CFAP300: variants seen among roughly 807,000 people sequenced by gnomAD.
CFAP300 encodes cilia- and flagella-associated protein 300.
CFAP300 carries 32 observed loss-of-function variants against 33.0 expected under a neutral mutation model. The observed-to-expected ratio is 0.97, with a 90% CI of 0.73 to 1.30. The LOEUF is 1.30. Among genes scored for constraint, CFAP300 ranks in the 50% most tolerant of loss-of-function variants. The pLI is 0.00. For missense variants in CFAP300, 356 were observed against 318.1 expected (o/e 1.12, Z -0.90); for synonymous variants, 102 against 106.8 (o/e 0.95, Z 0.28).
At chr11:102,080,543 G>T (rs550767002) in intron 5 of CFAP300, among the ~76,000 whole-genome samples, 1 of 151,760 alleles carries the variant, frequency 6.6e-6, no homozygotes, top group South Asian at 2.1e-4. Flanking sequence ...TCAGCCTCCC[G>T]AGTACCTGGG....
rs1941904325 is a variant in CFAP300, at chr11:102,047,756, C to A, written c.111-59C>A. 1.9e-6 allele frequency: 3 copies of A among 1,581,014 alleles called. No individual in the cohort carries two copies. Among genetic ancestry groups the A allele is most frequent in the South Asian group, 2.3e-5 (2 of 88,170 alleles). Reference sequence around the variant, plus strand: ...GGATGCTGTGGGTGGGATCGGTTATCGGTGCGCTCTGAGAGGGTGCCAGCC... The same window carrying A: ...GGATGCTGTGGGTGGGATCGGTTATAGGTGCGCTCTGAGAGGGTGCCAGCC... On this transcript the variant is annotated intron_variant, in intron 1 of 6. Coordinates refer to ENST00000434758, the MANE Select transcript of CFAP300 (RefSeq NM_032930.3).
In CFAP300 at chr11:102,066,618, TG is replaced by T; in HGVS notation, c.403del (p.Asp135IlefsTer14). The stretch of plus-strand genomic sequence containing the variant: ...TTGTTAAATGTTTAGATTCTTTTTG[TG>T]ATCCATTTCTCATTTCTGATGAGTT... ...HIVKCLDSFC[D>X]PFLISDELRR... On this transcript the variant is annotated frameshift_variant, in exon 4 of 7. Transcript: ENST00000434758. LOFTEE classifies it high-confidence loss of function. 1 of 1,608,570 alleles carries T rather than the reference TG, an allele frequency of 6.2e-7. No homozygotes were observed. Among genetic ancestry groups the T allele is most frequent in the East Asian group, 2.2e-5 (1 of 44,600 alleles).
chr11:102,072,516 T>G (rs1265125093), intron 4 of CFAP300, among the ~76,000 whole-genome samples: 1 of 152,118 alleles, frequency 6.6e-6, no homozygotes, highest in Non-Finnish European at 1.5e-5. Flanking sequence ...TTGCCCAGGC[T>G]GGTCTCAAAC....
chr11:102,064,104 A>G (rs1434619378), intron 3 of CFAP300, among the ~76,000 whole-genome samples: 2 of 152,156 alleles, frequency 1.3e-5, no homozygotes, highest in African/African-American at 4.8e-5. Context: ...AGAAAATGCT[A>G]TTTTTTATGT....
intron 5 of CFAP300, among the ~76,000 whole-genome samples, chr11:102,079,613 C>T (rs905175840): frequency 6.6e-6 from 1 of 152,150 alleles, no homozygotes; most frequent in African/African-American, 2.4e-5. Context: ...TTTTCCTCCT[C>T]CTCTTCTTTC....
chr11:102,074,076 C>T (rs1942360260), intron 4 of CFAP300, among the ~76,000 whole-genome samples: 1 of 152,098 alleles, frequency 6.6e-6, no homozygotes, highest in Non-Finnish European at 1.5e-5. Flanking sequence ...ATGCAGAGTC[C>T]ATGTGGACAT....
chr11:102,077,037 G>A (rs996811987), intron 5 of CFAP300, among the ~76,000 whole-genome samples: 2 of 151,926 alleles, frequency 1.3e-5, no homozygotes, highest in African/African-American at 4.8e-5. Context: ...AAACCTGCTA[G>A]ACTGCTTCTA....
chr11:102,049,976 T>C (rs1295132145), intron 2 of CFAP300, among the ~76,000 whole-genome samples: 1 of 151,924 alleles, frequency 6.6e-6, no homozygotes, highest in African/African-American at 2.4e-5. Flanking sequence ...CATAGTGAGA[T>C]CCTGTGGCTA....
chr11:102,055,317 A>G (rs141110599), intron 2 of CFAP300, among the ~76,000 whole-genome samples: 12 of 151,004 alleles, frequency 7.9e-5, no homozygotes, highest in African/African-American at 2.9e-4. Context: ...TTATGCTCAT[A>G]TAAATGTATA....
chr11:102,053,350 A>C (rs1942000432), intron 2 of CFAP300, among the ~76,000 whole-genome samples: 1 of 152,030 alleles, frequency 6.6e-6, no homozygotes, highest in South Asian at 2.1e-4. Context: ...TCGGGAGTTC[A>C]AGACCAGCCT....
Position 102,054,551 on chromosome 11 carries a change from C to CA in CFAP300, c.193-4326dup, listed in dbSNP as rs200656139. 6.3e-3 allele frequency among the ~76,000 whole-genome samples: 5 copies of CA among 790 alleles called. 1 individual carries two copies. The South Asian group carries it at 0.23, about 36-fold the overall frequency. The allele number at this position is 790 out of a possible 152,430, so 0.5% of individuals were successfully genotyped here. A position where few individuals can be genotyped will look rare whatever the true frequency, so the allele number is the denominator to read the frequency against. Reference sequence around the variant, plus strand: ...TTCAAGACCAGCCTGGCCAACATGGCAAACCTGTCTCTATTAAAAATACAA... The same window carrying CA: ...TTCAAGACCAGCCTGGCCAACATGGCAAAACCTGTCTCTATTAAAAATACAA... On this transcript the variant is annotated intron_variant, in intron 2 of 6. Transcript: ENST00000434758.
At chr11:102,049,851 GAAAA>G (rs10716793) in intron 2 of CFAP300, among the ~76,000 whole-genome samples, 1 of 145,430 alleles carries the variant, frequency 6.9e-6, no homozygotes, top group Non-Finnish European at 1.5e-5. Context: ...GAAATGTTAA[GAAAA>G]AAAAAAAGTC....
At chr11:102,075,472 A>G (rs1260077517) in intron 4 of CFAP300, among the ~76,000 whole-genome samples, 1 of 152,210 alleles carries the variant, frequency 6.6e-6, no homozygotes. Context: ...AGCTTAGAAA[A>G]TGACCGTTTA....
chr11:102,055,564 G>T (rs894893058), intron 2 of CFAP300, among the ~76,000 whole-genome samples: 5 of 149,882 alleles, frequency 3.3e-5, no homozygotes, highest in Admixed American at 6.6e-5. Context: ...TCACCAGGTT[G>T]CTCAGGCTGG....
At chr11:102,081,078 C>G in intron 5 of CFAP300, 137 bp from the exon 6 acceptor site, 1 of 578,246 alleles carries the variant, frequency 1.7e-6, no homozygotes, top group Non-Finnish European at 2.8e-6. Context: ...GCCATTTTTT[C>G]AAACCACTTA....
intron 4 of CFAP300, among the ~76,000 whole-genome samples, chr11:102,072,925 C>T (rs530800457): frequency 1.3e-5 from 2 of 152,216 alleles, no homozygotes; most frequent in East Asian, 1.9e-4. Context: ...TCTGTGTTTT[C>T]CTCAGTGGCT....
rs143711781 is a variant in CFAP300 at position 102,067,948 on chromosome 11, G to A, written c.435+1297G>A. On this transcript the variant is annotated intron_variant, in intron 4 of 6. Transcript: ENST00000434758. Reference sequence around the variant, plus strand: ...GAAATGTATTATTGATATTATCATCGTTACAATTATTGAGAGTATTAAAGT... The same window carrying A: ...GAAATGTATTATTGATATTATCATCATTACAATTATTGAGAGTATTAAAGT... Among the ~76,000 whole-genome samples the A allele has an allele frequency of 6.1e-3, 928 of 152,220 alleles. 7 individuals carry two copies. Among genetic ancestry groups the A allele is most frequent in the Middle Eastern group, 0.014 (4 of 294 alleles).
intron 2 of CFAP300, among the ~76,000 whole-genome samples, chr11:102,053,470 G>A (rs914362827): frequency 5.5e-4 from 84 of 152,110 alleles, no homozygotes; most frequent in Non-Finnish European, 5.3e-4. Context: ...AGAATCGCTT[G>A]AACCCAGGAG....
chr11:102,057,384 A>G (rs556982651), intron 2 of CFAP300, among the ~76,000 whole-genome samples: 49 of 151,660 alleles, frequency 3.2e-4, no homozygotes, highest in African/African-American at 1.1e-3. Context: ...TCCATGCACC[A>G]GCAGCTGACT....
Sources: allele counts gnomAD v4.1 joint callset (sites outside exome capture counted in the v4.1 genomes callset), GRCh38; gene constraint gnomAD v4.1.1; transcripts MANE v1.5; gene names NCBI Gene and HGNC (gene_info 2026-07-23, HGNC 2026-07-21).